STRBP: variants seen among roughly 807,000 people sequenced by gnomAD.
The protein encoded by STRBP is spermatid perinuclear RNA-binding protein.
Under a neutral mutation model 80.1 loss-of-function variants are expected in STRBP, and 13 were observed. The ratio of observed to expected loss-of-function variants is 0.16; its 90% CI spans 0.11 to 0.26. STRBP has a LOEUF of 0.26. Ranked by LOEUF, STRBP falls within the 10% of genes least tolerant of loss-of-function variation. The pLI is 1.00. For missense variants in STRBP, 485 were observed against 815.2 expected, an observed-to-expected ratio of 0.59 and a Z score of 4.93; for synonymous variants, 284 against 291.2, an observed-to-expected ratio of 0.98 and a Z score of 0.25.
intron 1 of STRBP, among the ~76,000 whole-genome samples, chr9:123,243,265 C>CAAAAAAAAAAAAAAAAAAAAAAAAATAA (rs1160280485): frequency 2.5e-5 from 2 of 78,952 alleles, no homozygotes; most frequent in South Asian, 5.3e-4. Context: ...ATCAATAAGA[C>CAAAAAAAAAAAAAAAAAAAAAAAAATAA]AAAAAAAAAA....
chr9:123,161,379 G>A (rs1005516961), intron 6 of STRBP, among the ~76,000 whole-genome samples: 16 of 152,234 alleles, frequency 1.1e-4, no homozygotes, highest in African/African-American at 3.9e-4. Flanking sequence ...TAACATTACA[G>A]GGCACAAAAT....
intron 3 of STRBP, chr9:123,111,413 A>G: frequency 3.2e-6 from 1 of 311,062 alleles, no homozygotes; most frequent in South Asian, 2.7e-5. Context: ...TTCCATGAAC[A>G]AGGAAAAGAA....
chr9:123,111,718 TGCC>T (rs2132272894), intron 3 of STRBP: 1 of 403,868 alleles, frequency 2.5e-6, no homozygotes, highest in Non-Finnish European at 5.0e-6. Flanking sequence ...TGTCCATCTG[TGCC>T]GGCTCCAGTT....
At chr9:123,156,325 G>A (rs996680150) in intron 11 of STRBP, among the ~76,000 whole-genome samples, 1 of 152,004 alleles carries the variant, frequency 6.6e-6, no homozygotes, top group Admixed American at 6.6e-5. Context: ...GCACCTGCAG[G>A]AAGAAAATGG....
intron 13 of STRBP, among the ~76,000 whole-genome samples, chr9:123,143,949 G>A (rs2036699348): frequency 6.6e-6 from 1 of 152,136 alleles, no homozygotes; most frequent in Non-Finnish European, 1.5e-5. Flanking sequence ...TGTAATCCCA[G>A]CACTTTGAGG....
chr9:123,210,423 GA>G (rs551451556), intron 2 of STRBP, among the ~76,000 whole-genome samples: 42 of 120,664 alleles, frequency 3.5e-4, no homozygotes, highest in Admixed American at 1.4e-3. Flanking sequence ...CAAAAGAAAA[GA>G]AAAAAAAAAT....
chr9:123,250,336 T>C (rs1462181554), intron 1 of STRBP, among the ~76,000 whole-genome samples: 2 of 152,214 alleles, frequency 1.3e-5, no homozygotes, highest in Non-Finnish European at 1.5e-5. Flanking sequence ...AATGCTAGTC[T>C]TCTCACTAAT....
At chr9:123,252,819 T>C (rs994080224) in intron 1 of STRBP, among the ~76,000 whole-genome samples, 37 of 152,286 alleles carry the variant, frequency 2.4e-4, no homozygotes, top group African/African-American at 8.7e-4. Flanking sequence ...AAAGCCAGCA[T>C]ATTTTAACAT....
At chr9:123,137,454 G>T (rs2036405424) in intron 14 of STRBP, among the ~76,000 whole-genome samples, 1 of 152,132 alleles carries the variant, frequency 6.6e-6, no homozygotes, top group East Asian at 1.9e-4. Context: ...CTGTGGCCCA[G>T]GCTGGAGTGC....
intron 2 of STRBP, among the ~76,000 whole-genome samples, chr9:123,197,065 A>C (rs1451251246): frequency 6.6e-6 from 1 of 152,230 alleles, no homozygotes; most frequent in Admixed American, 6.5e-5. Context: ...ATAAAAAAGA[A>C]TGAGATCTTG....
intron 1 of STRBP, among the ~76,000 whole-genome samples, chr9:123,260,400 G>C (rs961028149): frequency 2.0e-5 from 3 of 152,300 alleles, no homozygotes; most frequent in Admixed American, 6.5e-5. Flanking sequence ...CACTTGCCAA[G>C]AACCTTTGTG....
intron 2 of STRBP, among the ~76,000 whole-genome samples, chr9:123,225,711 T>C (rs1485506944): frequency 6.6e-6 from 1 of 152,204 alleles, no homozygotes; most frequent in Non-Finnish European, 1.5e-5. Flanking sequence ...GCCTAGAATC[T>C]TGTTCCTGGA....
At chr9:123,216,319 T>C (rs2039895886) in intron 2 of STRBP, among the ~76,000 whole-genome samples, 1 of 152,222 alleles carries the variant, frequency 6.6e-6, no homozygotes, top group African/African-American at 2.4e-5. Context: ...TGTATACCCC[T>C]AGTATATATC....
intron 2 of STRBP, among the ~76,000 whole-genome samples, chr9:123,230,590 C>T (rs1238187479): frequency 6.6e-6 from 1 of 152,212 alleles, no homozygotes; most frequent in Non-Finnish European, 1.5e-5. Context: ...TCACCATTTA[C>T]AGCTATCTGC....
At chr9:123,262,691 A>G (rs917216437) in intron 1 of STRBP, among the ~76,000 whole-genome samples, 1 of 152,260 alleles carries the variant, frequency 6.6e-6, no homozygotes, top group Non-Finnish European at 1.5e-5. Context: ...TGAATACCAA[A>G]TAAAATTTAG....
At chr9:123,239,243 C>T (rs1244680225) in intron 1 of STRBP, among the ~76,000 whole-genome samples, 2 of 151,984 alleles carry the variant, frequency 1.3e-5, no homozygotes, top group African/African-American at 4.8e-5. Flanking sequence ...GGCATGGTGG[C>T]GGGCGCCTGT....
At chr9:123,150,133 C>G (rs1338315799) in intron 11 of STRBP, among the ~76,000 whole-genome samples, 1 of 152,104 alleles carries the variant, frequency 6.6e-6, no homozygotes, top group Non-Finnish European at 1.5e-5. Flanking sequence ...ACAGCAACTA[C>G]AAAAGTCTTA....
intron 11 of STRBP, among the ~76,000 whole-genome samples, chr9:123,151,718 T>C (rs2037065019): frequency 6.6e-6 from 1 of 152,106 alleles, no homozygotes; most frequent in Admixed American, 6.5e-5. Context: ...CTTAATAGTA[T>C]ATAAAATAAG....
At chr9:123,141,965 A>T (rs2036607558) in intron 13 of STRBP, among the ~76,000 whole-genome samples, 1 of 152,228 alleles carries the variant, frequency 6.6e-6, no homozygotes, top group African/African-American at 2.4e-5. Context: ...CCATGTTTTC[A>T]TCAAGGCCCC....
Sources: gnomAD v4.1 joint callset for allele counts (sites outside exome capture counted in the v4.1 genomes callset) on GRCh38, gnomAD v4.1.1 for gene constraint, MANE v1.5 for transcripts, NCBI Gene and HGNC (gene_info 2026-07-23, HGNC 2026-07-21) for gene names.